Variants in ZNF207 observed in about 807,000 individuals in gnomAD.
The protein encoded by ZNF207 is zinc finger protein 207.
ZNF207 carries 24 observed loss-of-function variants against 60.2 expected under a neutral mutation model. That is an observed-to-expected ratio of 0.40 (90% confidence interval 0.29 to 0.56). The LOEUF is 0.56. Ranked by LOEUF, ZNF207 falls within the 20% of genes least tolerant of loss-of-function variation. The pLI is 0.49. For synonymous variants in ZNF207, 236 were observed against 194.7 expected, an observed-to-expected ratio of 1.21 and a Z score of -1.77; for missense variants, 452 against 636.6, an observed-to-expected ratio of 0.71 and a Z score of 3.12.
At position 32,369,760 on chromosome 17, in the gene ZNF207, T is replaced by A. The variant is rs1167186199; in HGVS notation, c.*1T>A. 2.6e-6 allele frequency: 4 copies of A among 1,522,512 alleles called. No homozygotes were observed. Among genetic ancestry groups the A allele is most frequent in the Non-Finnish European group, 2.6e-6 (3 of 1,136,322 alleles). The allele number at this position is 1,522,512 out of a possible 1,614,324, so 94.3% of individuals were successfully genotyped here. A position where few individuals can be genotyped will look rare whatever the true frequency, so the allele number is the denominator to read the frequency against. ...AATGTCGCAAGGTGGCCGTTACTGA[T>A]CTTACTTCATCCAGTCTAATAGGTT... is the stretch of plus-strand genomic sequence containing the variant. On this transcript the variant is annotated 3_prime_UTR_variant, in exon 12 of 12. Transcript: ENST00000394670.
In ZNF207 at chr17:32,374,830, A is replaced by G. The variant is rs998347834; in HGVS notation, c.*5071A>G. On this transcript the variant is annotated 3_prime_UTR_variant, in exon 12 of 12. Transcript: ENST00000394670. Reference sequence around the variant, plus strand: ...AAAGTATGTTAAACTATGGTTTTGGAGTGATTATTTTGAGGTTCATTTTCA... The same window carrying G: ...AAAGTATGTTAAACTATGGTTTTGGGGTGATTATTTTGAGGTTCATTTTCA... 6.6e-6 allele frequency: 1 copy of G among 152,142 alleles called. No individual in the cohort carries two copies. The highest frequency in any genetic ancestry group is 6.6e-5 in the Admixed American group (1 of 15,262). The allele number at this position is 152,142 out of a possible 1,614,324, so 9.4% of individuals were successfully genotyped here. A position where few individuals can be genotyped will look rare whatever the true frequency, so the allele number is the denominator to read the frequency against.
chr17:32,361,200 G>C (rs1904863082), intron 5 of ZNF207: 2 of 584,190 alleles, frequency 3.4e-6, no homozygotes, highest in Non-Finnish European at 6.0e-6. Context: ...TACTTCAATT[G>C]CATTTACTGT....
Position 32,373,960 on chromosome 17 carries a change from G to C in ZNF207, c.*4201G>C, listed in dbSNP as rs1269641541. 2.0e-5 allele frequency: 3 copies of C among 152,200 alleles called. No homozygotes were observed. The highest frequency in any genetic ancestry group is 4.4e-5 in the Non-Finnish European group (3 of 68,114). The allele number at this position is 152,200 out of a possible 1,614,324, so 9.4% of individuals were successfully genotyped here. ...CACCCAGGATGGAGTGCAGTGGTGC[G>C]ATCTCGGTTCACTGCAACCTCTGCC... On this transcript the variant is annotated 3_prime_UTR_variant, in exon 12 of 12. Transcript: ENST00000394670.
intron 6 of ZNF207, 52 bp downstream of exon 6, chr17:32,361,567 T>C (rs1382065983): frequency 6.5e-7 from 1 of 1,528,022 alleles, no homozygotes; most frequent in Non-Finnish European, 8.9e-7. Flanking sequence ...TACTGTCATT[T>C]TTTTATGTGT....
chr17:32,360,108 A>G (rs774514166), intron 3 of ZNF207, among the ~76,000 whole-genome samples: 3 of 149,728 alleles, frequency 2.0e-5, no homozygotes, highest in Non-Finnish European at 4.4e-5. Flanking sequence ...GGACTCCTAT[A>G]ATTTCAGTGC....
intron 1 of ZNF207, 91 bp from the exon 2 acceptor site, chr17:32,351,695 A>G: frequency 5.0e-6 from 8 of 1,610,396 alleles, no homozygotes; most frequent in Non-Finnish European, 6.8e-6. Context: ...TTTTGGTTTT[A>G]GCTGTTCCCA....
Position 32,361,457 on chromosome 17 carries a change from C to T in ZNF207, c.552-11C>T. On this transcript the variant is annotated splice_polypyrimidine_tract_variant and intron_variant, in intron 5 of 11. Coordinates refer to ENST00000394670, the MANE Select transcript of ZNF207 (RefSeq NM_001098507.2). ...ACAGTTAGATTTTGATTTTGTCATA[C>T]ATTTTCACAGATTGCATCATCAGAG... The T allele has an allele frequency of 6.2e-7, 1 of 1,607,120 alleles. No individual in the cohort carries two copies. Among genetic ancestry groups the T allele is most frequent in the Non-Finnish European group, 8.5e-7 (1 of 1,176,296 alleles).
At chr17:32,352,003 T>G in intron 2 of ZNF207, 91 bp downstream of exon 2, 1 of 1,341,116 alleles carries the variant, frequency 7.5e-7, no homozygotes, top group Non-Finnish European at 1.0e-6. Flanking sequence ...GTTTCGGTCT[T>G]GTCGCCCAAG....
At chr17:32,350,703 C>G (rs766953530) in intron 1 of ZNF207, among the ~76,000 whole-genome samples, 1 of 152,136 alleles carries the variant, frequency 6.6e-6, no homozygotes, top group South Asian at 2.1e-4. Flanking sequence ...TTATTACTTT[C>G]ATGGAGGGTT....
intron 1 of ZNF207, among the ~76,000 whole-genome samples, chr17:32,350,642 CGTT>C (rs962640430): frequency 1.3e-5 from 2 of 152,066 alleles, no homozygotes; most frequent in Non-Finnish European, 1.5e-5. Context: ...AGCCACCTTC[CGTT>C]GTTTTGGTGA....
Position 32,373,646 on chromosome 17 carries a change from T to G in ZNF207, c.*3887T>G, listed in dbSNP as rs762686948. On this transcript the variant is annotated 3_prime_UTR_variant, in exon 12 of 12. Coordinates refer to ENST00000394670, the MANE Select transcript of ZNF207 (RefSeq NM_001098507.2). ...TGACTGTGGTGTTAATAAACATAAG[T>G]ATTTCATATGCAATTTTATGTAATT... 4.4e-5 allele frequency: 17 copies of G among 383,592 alleles called. No homozygotes were observed. The highest frequency in any genetic ancestry group is 6.0e-5 in the Non-Finnish European group (13 of 218,042). The allele number at this position is 383,592 out of a possible 1,614,324, so 23.8% of individuals were successfully genotyped here.
At chr17:32,367,254 TATATATATATATA>T in intron 9 of ZNF207, among the ~76,000 whole-genome samples, 1 of 90,568 alleles carries the variant, frequency 1.1e-5, no homozygotes, top group Non-Finnish European at 2.3e-5. Flanking sequence ...TATATATATA[TATATATATATATA>T]TATATATATA....
chr17:32,368,596 C>T lies in ZNF207; in HGVS notation c.1164+582C>T, dbSNP rs542061853. Among the ~76,000 whole-genome samples, 9 of 151,220 alleles carry T rather than the reference C, an allele frequency of 6.0e-5. No homozygotes were observed. In the South Asian group the frequency reaches 6.3e-4, roughly 11 times the overall value. On this transcript the variant is annotated intron_variant, in intron 10 of 11. Transcript: ENST00000394670. ...ATCCCAGCTACTCGGGAGGCTGAGG[C>T]GGGATCATCAGTTGAACTTGGGAGG...
intron 2 of ZNF207, 32 bp downstream of exon 2, chr17:32,351,944 C>T: frequency 6.7e-7 from 1 of 1,486,882 alleles, no homozygotes; most frequent in South Asian, 1.4e-5. Flanking sequence ...TTATTGTCCG[C>T]TTGTGATTTG....
chr17:32,352,802 C>T (rs2041531032), intron 2 of ZNF207, among the ~76,000 whole-genome samples: 1 of 152,244 alleles, frequency 6.6e-6, no homozygotes, highest in Non-Finnish European at 1.5e-5. Flanking sequence ...TTCTAGCCGT[C>T]TTCCTGCCTC....
In ZNF207 at chr17:32,358,335, G is replaced by T. The variant is rs115589297; in HGVS notation, c.169-168G>T. On this transcript the variant is annotated intron_variant, in intron 2 of 11. Coordinates refer to ENST00000394670, the MANE Select transcript of ZNF207 (RefSeq NM_001098507.2). ...TATAGGTGAAGTAAACTGAGGCTTA[G>T]AAGTTCACTGACATGCTTAATGTCA... 2.9e-3 allele frequency among the ~76,000 whole-genome samples: 437 copies of T among 152,322 alleles called. 6 individuals are homozygous for T. Among genetic ancestry groups the T allele is most frequent in the African/African-American group, 1.0e-2 (414 of 41,556 alleles).
rs142721797 is a variant in ZNF207, at chr17:32,373,579, A to G, written c.*3820A>G. 4 of 423,424 alleles carry G rather than the reference A, an allele frequency of 9.4e-6. No individual in the cohort carries two copies. The highest frequency in any genetic ancestry group is 2.0e-5 in the African/African-American group (1 of 49,690). 26.2% of individuals were successfully genotyped at this position (423,424 alleles called of 1,614,324 possible). ...AAATTTAATTAAACTTAGGATTTTT[A>G]TACTCTTTTGGCAGAGAAGGCTCTA... is the stretch of plus-strand genomic sequence containing the variant. On this transcript the variant is annotated 3_prime_UTR_variant, in exon 12 of 12. Transcript: ENST00000394670.
At chr17:32,364,377 A>C (rs147140644) in intron 7 of ZNF207, among the ~76,000 whole-genome samples, 1,042 of 99,048 alleles carry the variant, frequency 0.011, 12 homozygotes, top group African/African-American at 0.035. Flanking sequence ...TTTTTTTTTG[A>C]GATGGAGTTT....
chr17:32,352,003 T>TA (rs1392689967), intron 2 of ZNF207, 91 bp downstream of exon 2: 6 of 1,340,998 alleles, frequency 4.5e-6, no homozygotes, highest in Non-Finnish European at 6.0e-6. Flanking sequence ...GTTTCGGTCT[T>TA]GTCGCCCAAG....
Sources: allele counts gnomAD v4.1 joint callset (sites outside exome capture counted in the v4.1 genomes callset), GRCh38; gene constraint gnomAD v4.1.1; transcripts MANE v1.5; gene names NCBI Gene and HGNC (gene_info 2026-07-23, HGNC 2026-07-21).